Variants in TET1 observed in about 807,000 individuals in gnomAD.
The protein encoded by TET1 is tet methylcytosine dioxygenase 1.
In TET1, 13 loss-of-function variants were observed where a neutral mutation model predicts 148.7. The ratio of observed to expected loss-of-function variants is 0.09; its 90% CI spans 0.06 to 0.14. The LOEUF (loss-of-function observed/expected upper bound fraction) is 0.14. TET1 is among the 10% of genes least tolerant of loss of function. The probability of loss-of-function intolerance (pLI) is 1.00; values close to 1 mark genes in which losing one functional copy is unlikely to be tolerated. For missense variants in TET1, 2,182 were observed against 2,553.8 expected (o/e 0.85, Z 3.14); for synonymous variants, 907 against 937.2 (o/e 0.97, Z 0.59).
At chr10:68,676,258 ATATATATATATTTTTTTTT>A (rs1300480385) in intron 8 of TET1, among the ~76,000 whole-genome samples, 78 of 36,022 alleles carry the variant, frequency 2.2e-3, no homozygotes, top group South Asian at 9.0e-3. Flanking sequence ...ATATATATAT[ATATATATATATTTTTTTTT>A]TTTTTTTTTT....
At chr10:68,596,255 T>C (rs1202642876) in intron 2 of TET1, among the ~76,000 whole-genome samples, 1 of 151,630 alleles carries the variant, frequency 6.6e-6, no homozygotes, top group East Asian at 1.9e-4. Flanking sequence ...TGTCTTTTGT[T>C]AGATACTGAA....
intron 3 of TET1, among the ~76,000 whole-genome samples, chr10:68,635,677 AG>A (rs2054639219): frequency 6.6e-6 from 1 of 152,160 alleles, no homozygotes; most frequent in African/African-American, 2.4e-5. Context: ...AAGAATGAGA[AG>A]GTAGTAGGTT....
intron 3 of TET1, among the ~76,000 whole-genome samples, chr10:68,610,185 A>T (rs1348590575): frequency 1.3e-5 from 2 of 152,060 alleles, no homozygotes; most frequent in Non-Finnish European, 2.9e-5. Flanking sequence ...TGGGAGGCTG[A>T]TGCAAGAGAA....
intron 8 of TET1, among the ~76,000 whole-genome samples, chr10:68,677,694 T>A (rs1440478096): frequency 2.0e-5 from 3 of 152,108 alleles, no homozygotes; most frequent in Non-Finnish European, 4.4e-5. Flanking sequence ...TTGCCCAGGC[T>A]GGAGTGCAAT....
chr10:68,571,444 T>C (rs2053668833), intron 1 of TET1, among the ~76,000 whole-genome samples: 1 of 150,566 alleles, frequency 6.6e-6, no homozygotes, highest in Non-Finnish European at 1.5e-5. Flanking sequence ...GTTGAGATTA[T>C]AGGTGTGCAC....
At chr10:68,598,925 G>C (rs2054019599) in intron 2 of TET1, among the ~76,000 whole-genome samples, 1 of 152,090 alleles carries the variant, frequency 6.6e-6, no homozygotes, top group South Asian at 2.1e-4. Context: ...GACCTCAGGT[G>C]ATCTTCCTGC....
rs779260183 is a variant in TET1 at position 68,572,741 on chromosome 10, G to A, written c.403G>A (p.Glu135Lys). The A allele has an allele frequency of 6.2e-7, 1 of 1,614,142 alleles. No individual in the cohort carries two copies. Among genetic ancestry groups the A allele is most frequent in the South Asian group, 1.1e-5 (1 of 91,080 alleles). Reference protein sequence around the residue: ...SKKVPLSKGLEKQHDCDYKIL... With the variant: ...SKKVPLSKGLKKQHDCDYKIL... ...AAAGGTTCCACTTTCTAAGGGTTTA[G>A]AAAAGCAACATGATTGTGATTATAA... Residue 135 changes from glutamate (E) to lysine (K), a missense_variant, in exon 2 of 12, where the codon GAA becomes AAA. Glu to Lys is a moderately conservative substitution (Grantham distance 56). This residue lies in a region of TET1 where 665 missense variants were observed against 672.4 expected (regional missense o/e 0.99). Coordinates refer to ENST00000373644, the MANE Select transcript of TET1 (RefSeq NM_030625.3).
At chr10:68,683,443 T>C (rs7911424) in intron 10 of TET1, among the ~76,000 whole-genome samples, 134,928 of 150,622 alleles carry the variant, frequency 0.9, 60,871 homozygotes, top group East Asian at 0.98. Flanking sequence ...CACACCCGGA[T>C]AATTTTTTGT....
At chr10:68,635,004 A>T (rs777395377) in intron 3 of TET1, among the ~76,000 whole-genome samples, 14 of 151,542 alleles carry the variant, frequency 9.2e-5, no homozygotes, top group Admixed American at 8.6e-4. Flanking sequence ...CATGTTGGCC[A>T]GGCTGGTCTC....
At chr10:68,598,211 A>T (rs759475912) in intron 2 of TET1, among the ~76,000 whole-genome samples, 4 of 152,180 alleles carry the variant, frequency 2.6e-5, no homozygotes, top group Non-Finnish European at 5.9e-5. Flanking sequence ...CAACATGGTG[A>T]AACCTCGTCT....
chr10:68,569,162 G>GTTTTTTTTTTTTTTTTT (rs1362900985), intron 1 of TET1, among the ~76,000 whole-genome samples: 1 of 122,330 alleles, frequency 8.2e-6, no homozygotes, highest in African/African-American at 3.3e-5. Flanking sequence ...AGGCAGGAGA[G>GTTTTTTTTTTTTTTTTT]TTTCTTTTTT....
intron 2 of TET1, among the ~76,000 whole-genome samples, chr10:68,593,230 CAAAAAAAAAAAAAAAAAAAA>C (rs576381158): frequency 2.3e-5 from 1 of 43,184 alleles, no homozygotes. Flanking sequence ...AACTCTGTCT[CAAAAAAAAAAAAAAAAAAAA>C]AAAAAAGAGG....
In TET1 at chr10:68,646,968, A is replaced by G. The variant is rs747133664; in HGVS notation, c.4239A>G (p.Ile1413Met). Residue 1413 changes from isoleucine (I) to methionine (M), a missense_variant, in exon 4 of 12, where the codon ATA becomes ATG. This residue lies in a region of TET1 where 169 missense variants were observed against 263.7 expected (regional missense o/e 0.64). Transcript: ENST00000373644. ...FTNPTKNLVSITKDSELPTCS... is the reference protein window; with the variant it reads ...FTNPTKNLVSMTKDSELPTCS... ...ACCCTACAAAAAACCTAGTGTCTAT[A>G]ACTAAAGATTCTGAACTGCCCACCT... 1.9e-6 allele frequency: 3 copies of G among 1,613,796 alleles called. No individual in the cohort carries two copies. Among genetic ancestry groups the G allele is most frequent in the Non-Finnish European group, 2.5e-6 (3 of 1,179,914 alleles).
intron 2 of TET1, among the ~76,000 whole-genome samples, chr10:68,586,644 T>TG (rs1019239620): frequency 2.0e-5 from 3 of 151,430 alleles, no homozygotes; most frequent in Non-Finnish European, 4.4e-5. Flanking sequence ...CACATCAGTT[T>TG]TTTTTTTTTT....
intron 3 of TET1, among the ~76,000 whole-genome samples, chr10:68,626,606 A>G (rs1009852449): frequency 4.0e-5 from 6 of 151,768 alleles, no homozygotes; most frequent in Admixed American, 1.3e-4. Flanking sequence ...GCTGGGGTGC[A>G]GTGGCATGAT....
In TET1 at chr10:68,646,824, A is replaced by G; in HGVS notation, c.4095A>G (p.Thr1365=). 3 of 1,614,204 alleles carry G rather than the reference A, an allele frequency of 1.9e-6. No homozygotes were observed. In the South Asian group the frequency reaches 3.3e-5, roughly 18 times the overall value. The change falls in exon 4 of 12, where the codon ACA becomes ACG. Residue 1365 remains threonine, a synonymous_variant. Coordinates refer to ENST00000373644, the MANE Select transcript of TET1 (RefSeq NM_030625.3). ...ATGTAGTGTGTTCAGGTGGAATTACAGTGGTTTCTACCAAAAGTGAAGAGG... is the reference window on the plus strand; with the variant it reads ...ATGTAGTGTGTTCAGGTGGAATTACGGTGGTTTCTACCAAAAGTGAAGAGG... ...NVNVVCSGGI[T]VVSTKSEEEV... is the part of the protein sequence containing the mutation.
intron 8 of TET1, chr10:68,673,250 A>G (rs1189499194): frequency 1.1e-5 from 3 of 267,940 alleles, no homozygotes; most frequent in Non-Finnish European, 2.0e-5. Context: ...CTATCTCCCC[A>G]AATTCCAATT....
intron 8 of TET1, chr10:68,674,783 T>G: frequency 4.0e-6 from 2 of 494,776 alleles, no homozygotes; most frequent in South Asian, 3.2e-5. Flanking sequence ...CTCTTATGCT[T>G]AGCACCAATG....
At chr10:68,624,660 C>CTTTCCTTCTT (rs1462948714) in intron 3 of TET1, among the ~76,000 whole-genome samples, 1 of 74,458 alleles carries the variant, frequency 1.3e-5, no homozygotes, top group African/African-American at 5.3e-5. Context: ...TTCTTTCTTT[C>CTTTCCTTCTT]TCTCTCTCTC....
Sources: gnomAD v4.1 joint callset for allele counts (sites outside exome capture counted in the v4.1 genomes callset) on GRCh38, gnomAD v4.1.1 for gene constraint, gnomAD v4.1.1 regional missense constraint, MANE v1.5 for transcripts, NCBI Gene and HGNC (gene_info 2026-07-23, HGNC 2026-07-21) for gene names.